BTG4: variants seen among roughly 807,000 people sequenced by gnomAD.
BTG4 encodes protein BTG4.
Under a neutral mutation model 19.3 loss-of-function variants are expected in BTG4, and 10 were observed. That is an observed-to-expected ratio of 0.52 (90% CI 0.32 to 0.88). BTG4 has a LOEUF of 0.88. Ranked by LOEUF, BTG4 falls within the 40% of genes least tolerant of loss-of-function variation. BTG4 has a pLI of 0.04. For missense variants in BTG4, 238 were observed against 281.9 expected (o/e 0.84, Z 1.11); for synonymous variants, 91 against 95.7 (o/e 0.95, Z 0.29).
At chr11:111,496,875 G>A (rs1377730714) in intron 4 of BTG4, 3 of 269,128 alleles carry the variant, frequency 1.1e-5, no homozygotes, top group African/African-American at 9.0e-5. Context: ...TAAATGCCGT[G>A]GTATTTTCAA....
chr11:111,476,818 T>C (rs570621025), intron 5 of BTG4, among the ~76,000 whole-genome samples: 1 of 152,302 alleles, frequency 6.6e-6, no homozygotes, highest in Non-Finnish European at 1.5e-5. Context: ...TGCATAACTT[T>C]ATAAGATTAA....
At chr11:111,407,643 C>T in the BTG4 span, among the ~76,000 whole-genome samples, 6 of 152,156 alleles carry the variant, frequency 3.9e-5, no homozygotes, top group Admixed American at 1.3e-4. Flanking sequence ...CGCACTCCAG[C>T]GTGGGGGACA....
chr11:111,474,057 T>A (rs958290466), intron 5 of BTG4, among the ~76,000 whole-genome samples: 2 of 152,108 alleles, frequency 1.3e-5, no homozygotes, highest in African/African-American at 4.8e-5. Flanking sequence ...ATCTTCCCCA[T>A]GCACAGTAGA....
the BTG4 span, among the ~76,000 whole-genome samples, chr11:111,411,643 C>G: frequency 3.3e-5 from 5 of 152,222 alleles, no homozygotes; most frequent in Non-Finnish European, 7.3e-5. Flanking sequence ...CAGATTCTGA[C>G]TGTATAGGGT....
the BTG4 span, among the ~76,000 whole-genome samples, chr11:111,412,231 A>ATG: frequency 6.6e-6 from 1 of 152,252 alleles, no homozygotes; most frequent in Non-Finnish European, 1.5e-5. Context: ...TGGAGATGTT[A>ATG]TGGCCTATCA....
chr11:111,493,753 T>A (rs989841840), downstream of BTG4, among the ~76,000 whole-genome samples: 1 of 152,144 alleles, frequency 6.6e-6, no homozygotes, highest in Non-Finnish European at 1.5e-5. Context: ...TCATATGCCA[T>A]TAAGGGTAGG....
At chr11:111,459,172 G>A in the BTG4 span, among the ~76,000 whole-genome samples, 2 of 152,058 alleles carry the variant, frequency 1.3e-5, no homozygotes, top group Admixed American at 1.3e-4. Context: ...AATCCAGGAG[G>A]TGGAGGTTGC....
rs1865837256 is a variant in BTG4, at chr11:111,497,938, A to G, written c.311+60T>C. 3 of 1,567,384 alleles carry G rather than the reference A, an allele frequency of 1.9e-6. No individual in the cohort carries two copies. In the South Asian group the frequency reaches 3.5e-5, roughly 18 times the overall value. On this transcript the variant is annotated intron_variant, in intron 3 of 4. Transcript: ENST00000692032. ...GCATCATCTTTCATGAAGGTATGTA[A>G]AGTTGTCTAACTTAAGGTTTCCAGG...
At chr11:111,390,792 T>C in the BTG4 span, among the ~76,000 whole-genome samples, 1 of 152,212 alleles carries the variant, frequency 6.6e-6, no homozygotes, top group African/African-American at 2.4e-5. Context: ...GAACATCTCA[T>C]GATGCAACTC....
At chr11:111,434,412 G>A in the BTG4 span, among the ~76,000 whole-genome samples, 4 of 152,158 alleles carry the variant, frequency 2.6e-5, no homozygotes, top group South Asian at 2.1e-4. Flanking sequence ...GGGAGGGCTC[G>A]GGGAGGGATA....
the BTG4 span, among the ~76,000 whole-genome samples, chr11:111,446,281 CTT>C: frequency 6.6e-6 from 1 of 152,192 alleles, no homozygotes; most frequent in African/African-American, 2.4e-5. Flanking sequence ...GTGATTTCAT[CTT>C]TTTGTTTCTC....
chr11:111,499,296 A>G (rs1865923479), intron 1 of BTG4, among the ~76,000 whole-genome samples: 1 of 152,180 alleles, frequency 6.6e-6, no homozygotes, highest in Non-Finnish European at 1.5e-5. Flanking sequence ...GACCAACCGC[A>G]CTATCCCTTA....
At chr11:111,403,401 G>A in the BTG4 span, among the ~76,000 whole-genome samples, 1 of 152,226 alleles carries the variant, frequency 6.6e-6, no homozygotes, top group South Asian at 2.1e-4. Flanking sequence ...AATTAATGGA[G>A]AAAGGGGAAA....
chr11:111,473,850 G>A (rs1036934443), intron 5 of BTG4, among the ~76,000 whole-genome samples: 8 of 152,036 alleles, frequency 5.3e-5, no homozygotes, highest in African/African-American at 1.9e-4. Flanking sequence ...CTAGAACATG[G>A]GTCCACTGTC....
the BTG4 span, among the ~76,000 whole-genome samples, chr11:111,420,380 C>T: frequency 6.6e-6 from 1 of 152,208 alleles, no homozygotes; most frequent in East Asian, 1.9e-4. Flanking sequence ...CCTCCTTGGA[C>T]CAGGTGGCAT....
the BTG4 span, among the ~76,000 whole-genome samples, chr11:111,427,078 A>T: frequency 6.6e-6 from 1 of 152,318 alleles, no homozygotes; most frequent in South Asian, 2.1e-4. Flanking sequence ...GTGGGTAAGA[A>T]AAAGTCCCTG....
chr11:111,454,242 G>A, the BTG4 span: 4 of 455,266 alleles, frequency 8.8e-6, no homozygotes, highest in South Asian at 6.3e-5. Context: ...ACAGGTGGGA[G>A]CTGGGAGGCT....
the BTG4 span, among the ~76,000 whole-genome samples, chr11:111,394,458 C>T: frequency 1.3e-5 from 2 of 152,182 alleles, no homozygotes; most frequent in Non-Finnish European, 2.9e-5. Context: ...TTGCTTAGTT[C>T]TCATTCTCTC....
intron 5 of BTG4, among the ~76,000 whole-genome samples, chr11:111,468,020 A>G (rs895053948): frequency 3.3e-5 from 5 of 152,226 alleles, no homozygotes; most frequent in African/African-American, 7.2e-5. Context: ...CTGTCCTGGC[A>G]GTTCTTCAGA....
Sources: allele counts gnomAD v4.1 joint callset (sites outside exome capture counted in the v4.1 genomes callset), GRCh38; gene constraint gnomAD v4.1.1; transcripts MANE v1.5; gene names NCBI Gene and HGNC (gene_info 2026-07-23, HGNC 2026-07-21).